PGM2: variants seen among roughly 807,000 people sequenced by gnomAD.
PGM2 encodes the protein phosphopentomutase.
A neutral mutation model predicts 74.6 loss-of-function variants in PGM2; 57 were observed. The observed-to-expected ratio is 0.76, with a 90% CI of 0.62 to 0.95. PGM2 has a LOEUF of 0.95. Ranked by LOEUF, PGM2 falls within the 40% of genes least tolerant of loss-of-function variation. The pLI is 0.00. For synonymous variants in PGM2, 273 were observed against 260.7 expected (o/e 1.05, Z -0.46); for missense variants, 706 against 741.9 (o/e 0.95, Z 0.56).
rs759390970 is a variant in PGM2 at position 37,830,023 on chromosome 4, A to G, written c.141A>G (p.Leu47=). The G allele has an allele frequency of 1.1e-5, 18 of 1,608,570 alleles. No individual in the cohort carries two copies. ...RLIAEGNKEE[L]RKCFGARMEF... ...TAGCAGAAGGTAATAAAGAAGAACTACGAAAATGTTTTGGGGCCCGAATGG... is the reference window on the plus strand; with the variant it reads ...TAGCAGAAGGTAATAAAGAAGAACTGCGAAAATGTTTTGGGGCCCGAATGG... The change falls in exon 2 of 14, where the codon CTA becomes CTG. Residue 47 remains leucine, a synonymous_variant. Coordinates refer to ENST00000381967, the MANE Select transcript of PGM2 (RefSeq NM_018290.4).
chr4:37,837,974 G>T (rs190996951), intron 4 of PGM2, among the ~76,000 whole-genome samples: 18 of 152,002 alleles, frequency 1.2e-4, no homozygotes, highest in African/African-American at 3.4e-4. Flanking sequence ...TCCGTGTCCC[G>T]GGTTCAAGCA....
chr4:37,847,133 C>A, intron 9 of PGM2, 22 bp downstream of exon 9: 1 of 1,605,720 alleles, frequency 6.2e-7, no homozygotes, highest in Non-Finnish European at 8.5e-7. Flanking sequence ...CTGGGACTCA[C>A]TCATTTTCCT....
chr4:37,855,810 C>A, intron 13 of PGM2, 69 bp downstream of exon 13: 1 of 1,296,754 alleles, frequency 7.7e-7, no homozygotes, highest in Non-Finnish European at 1.0e-6. Context: ...ATTCAAATGC[C>A]AAGTGAAATG....
In PGM2 at chr4:37,845,667, C is replaced by A. The variant is rs1034108341; in HGVS notation, c.944C>A (p.Ala315Asp). 1.9e-6 allele frequency: 3 copies of A among 1,613,238 alleles called. No individual in the cohort carries two copies. The African/African-American group carries it at 4.0e-5, about 22-fold the overall frequency. ...LSFALADKTK[A>D]RIVLANDPDA... ...TTTGCTTTGGCTGACAAAACCAAGGCCAGAATTGTTTTAGCTAACGACCCG... is the reference window on the plus strand; with the variant it reads ...TTTGCTTTGGCTGACAAAACCAAGGACAGAATTGTTTTAGCTAACGACCCG... The change falls in exon 8 of 14, where the codon GCC (alanine) becomes GAC (aspartate). Residue 315 changes from alanine (A) to aspartate (D), a missense_variant. By Grantham distance (126) the Ala-to-Asp change is moderately radical. Coordinates refer to ENST00000381967, the MANE Select transcript of PGM2 (RefSeq NM_018290.4).
At position 37,855,763 on chromosome 4, in the gene PGM2, G is replaced by A; in HGVS notation, c.1736+22G>A. The A allele has an allele frequency of 1.9e-6, 3 of 1,577,842 alleles. No individual in the cohort carries two copies. In the African/African-American group the frequency reaches 4.1e-5, roughly 22 times the overall value. On this transcript the variant is annotated intron_variant, in intron 13 of 13. Transcript: ENST00000381967. ...ACAGGTATGATGTGGATGGCAGCTG[G>A]TGTGATTTTTACTCCCCAGACTTCC... is the stretch of plus-strand genomic sequence containing the variant.
chr4:37,835,942 A>G (rs926638535), intron 3 of PGM2, among the ~76,000 whole-genome samples: 1 of 152,388 alleles, frequency 6.6e-6, no homozygotes, highest in East Asian at 1.9e-4. Context: ...ATAAACCAGC[A>G]TATCAGCTTG....
intron 12 of PGM2, among the ~76,000 whole-genome samples, chr4:37,851,405 GT>G (rs1726035707): frequency 6.6e-6 from 1 of 152,228 alleles, no homozygotes; most frequent in Admixed American, 6.5e-5. Context: ...TAAAGCCTGA[GT>G]TTGCATTCTT....
chr4:37,852,986 C>T (rs6531582), intron 12 of PGM2, among the ~76,000 whole-genome samples: 80,934 of 151,988 alleles, frequency 0.53, 22,200 homozygotes, highest in Non-Finnish European at 0.61. Context: ...ATTTTCAGTT[C>T]TTTGTTTCTT....
intron 6 of PGM2, among the ~76,000 whole-genome samples, chr4:37,843,984 C>A (rs972759810): frequency 6.6e-6 from 1 of 152,078 alleles, no homozygotes; most frequent in South Asian, 2.1e-4. Flanking sequence ...GGGAACCTGT[C>A]GCTTTGGGGA....
intron 12 of PGM2, among the ~76,000 whole-genome samples, chr4:37,852,949 A>G (rs189001269): frequency 1.1e-3 from 175 of 152,188 alleles, no homozygotes; most frequent in Non-Finnish European, 2.0e-3. Context: ...CTAATTGGTT[A>G]TTTTTTAAAA....
At chr4:37,834,587 C>T (rs1414503821) in intron 2 of PGM2, 31 bp from the exon 3 acceptor site, 4 of 1,087,362 alleles carry the variant, frequency 3.7e-6, no homozygotes, top group East Asian at 4.8e-5. Context: ...TATGTTAAAA[C>T]ATACTTTTTA....
At chr4:37,847,415 A>G in intron 10 of PGM2, 120 bp downstream of exon 10, 1 of 683,086 alleles carries the variant, frequency 1.5e-6, no homozygotes, top group Non-Finnish European at 2.5e-6. Context: ...ACTCAGGTTG[A>G]ATGTCGAACT....
chr4:37,847,080 C>A lies in PGM2; in HGVS notation c.1157C>A (p.Ala386Asp), dbSNP rs779716563. ...ACCGTCTCCTCCAAAATCTTGCGGGCCATTGCCTTAAAGGAAGGTTTTCAT... is the reference window on the plus strand; with the variant it reads ...ACCGTCTCCTCCAAAATCTTGCGGGACATTGCCTTAAAGGAAGGTTTTCAT... ...SSTVSSKILR[A>D]IALKEGFHFE... The change falls in exon 9 of 14, where the codon GCC becomes GAC. Residue 386 changes from alanine to aspartate, a missense_variant. Physicochemically the swap from Ala to Asp is moderately radical, Grantham distance 126. Coordinates refer to ENST00000381967, the MANE Select transcript of PGM2 (RefSeq NM_018290.4). The A allele has an allele frequency of 1.1e-5, 17 of 1,613,566 alleles. No homozygotes were observed. The highest frequency in any genetic ancestry group is 1.1e-5 in the Non-Finnish European group (13 of 1,179,608).
At chr4:37,854,835 A>G (rs1726148895) in intron 12 of PGM2, among the ~76,000 whole-genome samples, 1 of 152,194 alleles carries the variant, frequency 6.6e-6, no homozygotes, top group African/African-American at 2.4e-5. Context: ...AATAACTTCA[A>G]TAGAACTAGG....
chr4:37,831,955 C>G (rs978854349), intron 2 of PGM2, among the ~76,000 whole-genome samples: 4 of 152,168 alleles, frequency 2.6e-5, no homozygotes, highest in African/African-American at 9.6e-5. Flanking sequence ...CTAAGGGATT[C>G]TAGATTAACC....
intron 6 of PGM2, 63 bp from the exon 7 acceptor site, chr4:37,844,301 C>A: frequency 9.6e-7 from 1 of 1,037,436 alleles, no homozygotes; most frequent in Non-Finnish European, 1.4e-6. Flanking sequence ...TTCTTGCAAA[C>A]CTTGCAGTTT....
chr4:37,852,629 T>C (rs1046831506), intron 12 of PGM2, among the ~76,000 whole-genome samples: 1 of 152,244 alleles, frequency 6.6e-6, no homozygotes, highest in Non-Finnish European at 1.5e-5. Flanking sequence ...TGCTCCATTA[T>C]TGTTGGGCTT....
intron 1 of PGM2, among the ~76,000 whole-genome samples, chr4:37,827,360 C>G (rs1211549714): frequency 1.3e-5 from 2 of 152,166 alleles, no homozygotes; most frequent in Non-Finnish European, 2.9e-5. Context: ...CTTTGACTGC[C>G]AGGGAGGCAC....
At chr4:37,852,133 CTTTTTTTTTTTT>C (rs778968323) in intron 12 of PGM2, among the ~76,000 whole-genome samples, 9 of 47,258 alleles carry the variant, frequency 1.9e-4, no homozygotes, top group African/African-American at 3.2e-4. Flanking sequence ...ATGCCCAGCT[CTTTTTTTTTTTT>C]TTTTTTTTTT....
Sources: allele counts gnomAD v4.1 joint callset (sites outside exome capture counted in the v4.1 genomes callset), GRCh38; gene constraint gnomAD v4.1.1; transcripts MANE v1.5; gene names NCBI Gene and HGNC (gene_info 2026-07-23, HGNC 2026-07-21).